Variants in ADAMTSL3 observed in about 807,000 individuals in gnomAD.
ADAMTSL3 encodes ADAMTS like 3.
Under a neutral mutation model 201.7 loss-of-function variants are expected in ADAMTSL3, and 128 were observed. The ratio of observed to expected loss-of-function variants is 0.63; its 90% CI spans 0.55 to 0.73. The LOEUF is 0.73. ADAMTSL3 is among the 30% of genes least tolerant of loss of function. The probability of loss-of-function intolerance (pLI) is 0.00; values close to 1 mark genes in which losing one functional copy is unlikely to be tolerated. For missense variants in ADAMTSL3, 1,990 were observed against 2,119.6 expected (o/e 0.94, Z 1.20); for synonymous variants, 738 against 748.4 (o/e 0.99, Z 0.23).
intron 3 of ADAMTSL3, among the ~76,000 whole-genome samples, chr15:83,767,504 C>G (rs561019063): frequency 1.3e-5 from 2 of 152,312 alleles, no homozygotes; most frequent in African/African-American, 4.8e-5. Context: ...CAGCTATACT[C>G]AACTGACAAA....
chr15:83,822,125 G>C (rs1164763345), intron 6 of ADAMTSL3, among the ~76,000 whole-genome samples: 1 of 148,640 alleles, frequency 6.7e-6, no homozygotes, highest in Admixed American at 6.6e-5. Context: ...CCGGGCGGGG[G>C]GCTGACCCCC....
intron 3 of ADAMTSL3, among the ~76,000 whole-genome samples, chr15:83,721,645 T>C (rs1350149497): frequency 3.3e-5 from 5 of 152,318 alleles, no homozygotes; most frequent in African/African-American, 1.2e-4. Flanking sequence ...TCCAATTCTC[T>C]AAACACTCTT....
In ADAMTSL3 at chr15:84,025,358, A is replaced by G. The variant is rs1285109798; in HGVS notation, c.4578A>G (p.Ala1526=). 2.5e-6 allele frequency: 4 copies of G among 1,614,156 alleles called. No individual in the cohort carries two copies. Among genetic ancestry groups the G allele is most frequent in the Non-Finnish European group, 3.4e-6 (4 of 1,180,036 alleles). ...NGTVQVVSPR[A]CAPKDRPLGR... is the part of the protein sequence containing the mutation. ...CTGTGCAGGTGGTGTCTCCAAGAGCATGTGCCCCTAAAGACCGGCCTCTGG... is the reference window on the plus strand; with the variant it reads ...CTGTGCAGGTGGTGTCTCCAAGAGCGTGTGCCCCTAAAGACCGGCCTCTGG... Residue 1526 remains alanine (A), a synonymous_variant, in exon 27 of 30, where the codon GCA becomes GCG. Transcript: ENST00000286744.
intron 2 of ADAMTSL3, among the ~76,000 whole-genome samples, chr15:83,673,561 A>G (rs975513166): frequency 6.6e-6 from 1 of 152,112 alleles, no homozygotes; most frequent in Non-Finnish European, 1.5e-5. Context: ...TTGGCTCCCA[A>G]GATGCTTCAT....
At chr15:83,862,077 T>A (rs991422567) in intron 8 of ADAMTSL3, 3 of 151,966 alleles carry the variant, frequency 2.0e-5, no homozygotes, top group African/African-American at 7.3e-5. Context: ...AAAAAAAGAA[T>A]AAAAAGAAAT....
chr15:83,697,289 C>T (rs2141478815), intron 2 of ADAMTSL3, among the ~76,000 whole-genome samples: 2 of 152,282 alleles, frequency 1.3e-5, no homozygotes, highest in Non-Finnish European at 2.9e-5. Flanking sequence ...CCACTCAACA[C>T]AGCACTTGTG....
intron 28 of ADAMTSL3, among the ~76,000 whole-genome samples, chr15:84,034,186 T>C (rs2068458466): frequency 6.6e-6 from 1 of 151,984 alleles, no homozygotes; most frequent in Non-Finnish European, 1.5e-5. Context: ...TGCAGTGTTT[T>C]AGCCCCCTTT....
At chr15:83,915,553 T>C (rs547990312) in intron 16 of ADAMTSL3, among the ~76,000 whole-genome samples, 2 of 152,168 alleles carry the variant, frequency 1.3e-5, no homozygotes, top group Non-Finnish European at 2.9e-5. Flanking sequence ...ACTGTACAAT[T>C]TATGCATTTA....
At chr15:83,989,909 A>G (rs997518095) in intron 22 of ADAMTSL3, among the ~76,000 whole-genome samples, 2 of 152,248 alleles carry the variant, frequency 1.3e-5, no homozygotes, top group African/African-American at 4.8e-5. Flanking sequence ...CTCCACTTGT[A>G]ATAACCTCAT....
At chr15:83,992,877 G>T (rs868169932) in intron 23 of ADAMTSL3, among the ~76,000 whole-genome samples, 1 of 152,176 alleles carries the variant, frequency 6.6e-6, no homozygotes, top group African/African-American at 2.4e-5. Context: ...TGGGTCTGCA[G>T]CACTGCTGCC....
At chr15:83,681,189 G>T (rs2061472034) in intron 2 of ADAMTSL3, among the ~76,000 whole-genome samples, 1 of 152,166 alleles carries the variant, frequency 6.6e-6, no homozygotes, top group African/African-American at 2.4e-5. Flanking sequence ...ACATAATACA[G>T]AAAGGATTTT....
intron 4 of ADAMTSL3, among the ~76,000 whole-genome samples, chr15:83,797,385 C>T (rs981324533): frequency 1.3e-5 from 2 of 152,010 alleles, no homozygotes. Flanking sequence ...GGCCACGATG[C>T]GCGGATCACT....
chr15:84,028,842 C>T (rs1215937000), intron 27 of ADAMTSL3, among the ~76,000 whole-genome samples: 1 of 152,118 alleles, frequency 6.6e-6, no homozygotes, highest in Non-Finnish European at 1.5e-5. Context: ...GCAGTTTCCC[C>T]CATGCTGTTC....
chr15:84,003,359 TG>T (rs2067834010), intron 23 of ADAMTSL3, among the ~76,000 whole-genome samples: 1 of 152,200 alleles, frequency 6.6e-6, no homozygotes, highest in South Asian at 2.1e-4. Flanking sequence ...GCCTGTGAGA[TG>T]GTGCACTAAA....
chr15:83,679,791 C>T (rs13380416), intron 2 of ADAMTSL3, among the ~76,000 whole-genome samples: 10,604 of 152,136 alleles, frequency 0.07, 432 homozygotes, highest in East Asian at 0.14. Flanking sequence ...AGAGGAGCAC[C>T]GCCTGCCACC....
chr15:84,036,802 G>A lies in ADAMTSL3; in HGVS notation c.4784G>A (p.Gly1595Glu). 6.2e-7 allele frequency: 1 copy of A among 1,613,674 alleles called. No homozygotes were observed. The highest frequency in any genetic ancestry group is 8.5e-7 in the Non-Finnish European group (1 of 1,179,842). The part of the protein sequence containing the change: ...RPTLRRNCTS[G>E]ACDVCWHTGP... ...ACCTTAAGAAGGAACTGCACATCAG[G>A]GGCCTGTGATGTGTGTTGGCACACA... Residue 1595 changes from glycine (G) to glutamate (E), a missense_variant, in exon 29 of 30, where the codon GGG (glycine) becomes GAG (glutamate). Gly to Glu is a moderately conservative substitution (Grantham distance 98). Coordinates refer to ENST00000286744, the MANE Select transcript of ADAMTSL3 (RefSeq NM_207517.3).
At chr15:83,972,535 A>G (rs1203097899) in intron 20 of ADAMTSL3, among the ~76,000 whole-genome samples, 1 of 152,222 alleles carries the variant, frequency 6.6e-6, no homozygotes, top group African/African-American at 2.4e-5. Flanking sequence ...GCATGTGGAA[A>G]TACAACGTGG....
At chr15:84,037,470 C>G (rs1346250040) in intron 29 of ADAMTSL3, among the ~76,000 whole-genome samples, 1 of 152,206 alleles carries the variant, frequency 6.6e-6, no homozygotes, top group Non-Finnish European at 1.5e-5. Context: ...AAAGGAGCAG[C>G]ATGGGCCAGA....
intron 9 of ADAMTSL3, among the ~76,000 whole-genome samples, chr15:83,872,627 C>CACACACAGAGAG (rs6145659): frequency 0.012 from 1,750 of 141,010 alleles, 33 homozygotes; most frequent in African/African-American, 0.039. Context: ...CACACACACA[C>CACACACAGAGAG]AGAGTTTTTG....
Sources: allele counts gnomAD v4.1 joint callset (sites outside exome capture counted in the v4.1 genomes callset), GRCh38; gene constraint gnomAD v4.1.1; transcripts MANE v1.5; gene names NCBI Gene and HGNC (gene_info 2026-07-23, HGNC 2026-07-21).